Variants in RSPO1 observed in about 807,000 individuals in gnomAD.
The protein encoded by RSPO1 is R-spondin-1.
RSPO1 carries 18 observed loss-of-function variants against 26.0 expected under a neutral mutation model. That is an observed-to-expected ratio of 0.69 (90% CI 0.48 to 1.03). RSPO1 has a LOEUF of 1.03. Among genes scored for constraint, RSPO1 ranks in the 50% least tolerant of loss-of-function variants. The pLI, the probability that RSPO1 is intolerant of heterozygous loss-of-function variation, is 0.00. For synonymous variants in RSPO1, 133 were observed against 137.4 expected, an observed-to-expected ratio of 0.97 and a Z score of 0.22; for missense variants, 309 against 352.3, an observed-to-expected ratio of 0.88 and a Z score of 0.98.
In RSPO1 at chr1:37,616,603, C is replaced by T; in HGVS notation, c.167G>A (p.Cys56Tyr). Residue 56 changes from cysteine (C) to tyrosine (Y), a missense_variant, in exon 4 of 7, where the codon TGC becomes TAC. Coordinates refer to ENST00000356545, the MANE Select transcript of RSPO1 (RefSeq NM_001242908.2). Reference sequence around the variant, plus strand: ...CAGCAGGATGAACAGCTTGGGTGAGCACTTGAGGCAGCCGTTGACTTCAGA... The same window carrying T: ...CAGCAGGATGAACAGCTTGGGTGAGTACTTGAGGCAGCCGTTGACTTCAGA... ...LCSEVNGCLK[C>Y]SPKLFILLER... The T allele has an allele frequency of 6.2e-7, 1 of 1,614,172 alleles. No homozygotes were observed. The highest frequency in any genetic ancestry group is 8.5e-7 in the Non-Finnish European group (1 of 1,180,040).
chr1:37,612,518 G>GTGTA lies in RSPO1; in HGVS notation c.*233_*236dup, dbSNP rs1644038959. ...GCCTCAGGTGTGTGTGTGTGTGTGT[G>GTGTA]TGTATGTGTGTGTGTGGTGTCTGTG... On this transcript the variant is annotated 3_prime_UTR_variant, in exon 7 of 7. Coordinates refer to ENST00000356545, the MANE Select transcript of RSPO1 (RefSeq NM_001242908.2). 1 of 594,686 alleles carries GTGTA rather than the reference G, an allele frequency of 1.7e-6. No individual in the cohort carries two copies. Among genetic ancestry groups the GTGTA allele is most frequent in the Non-Finnish European group, 3.0e-6 (1 of 328,308 alleles). The allele number at this position is 594,686 out of a possible 1,614,324, so 36.8% of individuals were successfully genotyped here. A position where few individuals can be genotyped will look rare whatever the true frequency, so the allele number is the denominator to read the frequency against.
chr1:37,618,382 A>G (rs1644149501), intron 3 of RSPO1, among the ~76,000 whole-genome samples: 1 of 152,176 alleles, frequency 6.6e-6, no homozygotes, highest in Non-Finnish European at 1.5e-5. Flanking sequence ...TGCATTTCCC[A>G]AGCATTTTGG....
At chr1:37,621,164 G>A (rs889905026) in intron 3 of RSPO1, among the ~76,000 whole-genome samples, 5 of 152,140 alleles carry the variant, frequency 3.3e-5, no homozygotes, top group African/African-American at 1.2e-4. Flanking sequence ...TCTGGAATCA[G>A]GTCAGCATGG....
At chr1:37,616,807 G>T in intron 3 of RSPO1, 132 bp from the exon 4 acceptor site, 1 of 871,462 alleles carries the variant, frequency 1.1e-6, no homozygotes, top group Non-Finnish European at 1.9e-6. Context: ...GAAAGCACCG[G>T]CCAGGCTGGC....
At position 37,612,676 on chromosome 1, in the gene RSPO1, G is replaced by C; in HGVS notation, c.*79C>G. On this transcript the variant is annotated 3_prime_UTR_variant, in exon 7 of 7. Transcript: ENST00000356545. Reference sequence around the variant, plus strand: ...TGTGTGTGTATGCTTTGCCCCCGACGTTCCAGTTCAGGAAAGCTTGAATCA... The same window carrying C: ...TGTGTGTGTATGCTTTGCCCCCGACCTTCCAGTTCAGGAAAGCTTGAATCA... The C allele has an allele frequency of 6.7e-7, 1 of 1,498,654 alleles. No homozygotes were observed. Among genetic ancestry groups the C allele is most frequent in the Admixed American group, 1.7e-5 (1 of 59,728 alleles). 92.8% of individuals were successfully genotyped at this position (1,498,654 alleles called of 1,614,324 possible). A position where few individuals can be genotyped will look rare whatever the true frequency, so the allele number is the denominator to read the frequency against.
In RSPO1 at chr1:37,629,809, G is replaced by A. The variant is rs1272058503; in HGVS notation, c.-148C>T. The A allele has an allele frequency of 1.5e-5, 24 of 1,551,106 alleles. No homozygotes were observed. Among genetic ancestry groups the A allele is most frequent in the Admixed American group, 2.0e-5 (1 of 51,002 alleles). On this transcript the variant is annotated 5_prime_UTR_variant, in exon 3 of 7. Transcript: ENST00000356545. ...GCCCAAATCCACCATAATCTCAGCTGGGGACAGAGAGGGTGTGGGGAGCCC... is the reference window on the plus strand; with the variant it reads ...GCCCAAATCCACCATAATCTCAGCTAGGGACAGAGAGGGTGTGGGGAGCCC...
chr1:37,634,264 T>C lies in RSPO1; in HGVS notation c.-356+302A>G, dbSNP rs925469386. The stretch of plus-strand genomic sequence containing the variant: ...GGAGGCGGGGTATAAACAGGGCTGG[T>C]GGACTTGGGGAATTCAGGACTGCGA... On this transcript the variant is annotated intron_variant, in intron 1 of 6. Coordinates refer to ENST00000356545, the MANE Select transcript of RSPO1 (RefSeq NM_001242908.2). The surrounding 1 kb of genome is among the most constrained non-coding windows in gnomAD (Gnocchi z 4.7). 3.3e-5 allele frequency among the ~76,000 whole-genome samples: 5 copies of C among 152,038 alleles called. No individual in the cohort carries two copies. In the South Asian group the frequency reaches 6.2e-4, roughly 19 times the overall value.
chr1:37,624,362 G>A (rs1044136527), intron 3 of RSPO1, among the ~76,000 whole-genome samples: 5 of 152,178 alleles, frequency 3.3e-5, no homozygotes, highest in Admixed American at 1.3e-4. Context: ...AAGCCTGGCT[G>A]AGGAGGCCGG....
chr1:37,619,332 A>T (rs1056116225), intron 3 of RSPO1, among the ~76,000 whole-genome samples: 1 of 152,252 alleles, frequency 6.6e-6, no homozygotes, highest in East Asian at 1.9e-4. Context: ...GAGGTGGTGC[A>T]GGGTAGTGGA....
chr1:37,623,849 T>TGAACTTGAA (rs1644239359), intron 3 of RSPO1, among the ~76,000 whole-genome samples: 2 of 149,016 alleles, frequency 1.3e-5, no homozygotes, highest in Non-Finnish European at 3.0e-5. Context: ...AACCTCCGCC[T>TGAACTTGAA]CCTGGGTTCA....
chr1:37,623,568 G>A (rs1484438909), intron 3 of RSPO1, among the ~76,000 whole-genome samples: 2 of 151,978 alleles, frequency 1.3e-5, no homozygotes, highest in African/African-American at 2.4e-5. Flanking sequence ...CCGAGGCACT[G>A]AATATCCTGG....
At position 37,629,843 on chromosome 1, in the gene RSPO1, A is replaced by G. The variant is rs1057072492; in HGVS notation, c.-182T>C. On this transcript the variant is annotated 5_prime_UTR_variant, in exon 3 of 7. The change abolishes an upstream ATG in the 5' untranslated region. Transcript: ENST00000356545. ...GAGGGTGTGGGGAGCCCAGTTCTCC[A>G]TCAGCTCAAAGGGAGGTCCTCAAAG... 6.4e-7 allele frequency: 1 copy of G among 1,550,998 alleles called. No homozygotes were observed. Among genetic ancestry groups the G allele is most frequent in the Non-Finnish European group, 8.7e-7 (1 of 1,146,872 alleles).
In RSPO1 at chr1:37,616,143, C is replaced by T. The variant is rs192444916; in HGVS notation, c.286+341G>A. ...CAAGGTGCTGGGAGCCTGGGGAGGA[C>T]AGTGGCAGTGTGGACATACAGGAGA... On this transcript the variant is annotated intron_variant, in intron 4 of 6. Transcript: ENST00000356545. 2.0e-5 allele frequency among the ~76,000 whole-genome samples: 3 copies of T among 152,140 alleles called. No individual in the cohort carries two copies. In the East Asian group the frequency reaches 5.8e-4, roughly 29 times the overall value.
At chr1:37,633,060 G>T (rs1279534721) in intron 1 of RSPO1, among the ~76,000 whole-genome samples, 1 of 152,196 alleles carries the variant, frequency 6.6e-6, no homozygotes, top group Non-Finnish European at 1.5e-5. Flanking sequence ...TGGGGGTGAG[G>T]GATTCACACT....
chr1:37,624,644 C>A (rs1202361432), intron 3 of RSPO1, among the ~76,000 whole-genome samples: 2 of 152,188 alleles, frequency 1.3e-5, no homozygotes, highest in Admixed American at 1.3e-4. Context: ...GCAGCTCAGC[C>A]CCACACCCCT....
In RSPO1 at chr1:37,612,940, AG is replaced by A. The variant is rs747762704; in HGVS notation, c.626-20del. 1.2e-6 allele frequency: 2 copies of A among 1,613,632 alleles called. No homozygotes were observed. The highest frequency in any genetic ancestry group is 1.7e-6 in the Non-Finnish European group (2 of 1,179,918). ...TTCTGCCCTGAAACAACCAAACAGC[AG>A]GAAGAATCAACAAAGGATGTGCAGG... On this transcript the variant is annotated intron_variant, in intron 6 of 6. Coordinates refer to ENST00000356545, the MANE Select transcript of RSPO1 (RefSeq NM_001242908.2).
intron 4 of RSPO1, among the ~76,000 whole-genome samples, chr1:37,614,905 G>A (rs1176123450): frequency 6.6e-6 from 1 of 152,218 alleles, no homozygotes; most frequent in East Asian, 1.9e-4. Context: ...GCCTCTGCAA[G>A]GCTGAGTTCC....
At position 37,629,828 on chromosome 1, in the gene RSPO1, G is replaced by A. The variant is rs1644330748; in HGVS notation, c.-167C>T. 4 of 1,550,940 alleles carry A rather than the reference G, an allele frequency of 2.6e-6. No homozygotes were observed. In the South Asian group the frequency reaches 3.6e-5, roughly 14 times the overall value. On this transcript the variant is annotated 5_prime_UTR_variant, in exon 3 of 7. Transcript: ENST00000356545. ...TCAGCTGGGGACAGAGAGGGTGTGG[G>A]GAGCCCAGTTCTCCATCAGCTCAAA... is the stretch of plus-strand genomic sequence containing the variant.
At chr1:37,622,021 G>A (rs565812350) in intron 3 of RSPO1, among the ~76,000 whole-genome samples, 2 of 152,242 alleles carry the variant, frequency 1.3e-5, no homozygotes, top group East Asian at 1.9e-4. Flanking sequence ...GCCAGTCCAT[G>A]AGGTGGCAAG....
Sources: gnomAD v4.1 joint callset for allele counts (sites outside exome capture counted in the v4.1 genomes callset) on GRCh38, gnomAD v4.1.1 for gene constraint, Gnocchi (gnomAD v3.1) non-coding constraint, MANE v1.5 for transcripts, NCBI Gene and HGNC (gene_info 2026-07-23, HGNC 2026-07-21) for gene names.